Variants in DST observed in about 807,000 individuals in gnomAD.
DST encodes dystonin, also known as bullous pemphigoid antigen.
DST carries 253 observed loss-of-function variants against 875.2 expected under a neutral mutation model. The observed-to-expected ratio is 0.29, with a 90% CI of 0.26 to 0.32. DST has a LOEUF of 0.32. Among genes scored for constraint, DST ranks in the 10% least tolerant of loss-of-function variants. The pLI, the probability that DST is intolerant of heterozygous loss-of-function variation, is 1.00. For missense variants in DST, 8,287 were observed against 9,111.6 expected, an observed-to-expected ratio of 0.91 and a Z score of 3.68; for synonymous variants, 3,124 against 3,197.1, an observed-to-expected ratio of 0.98 and a Z score of 0.77.
intron 16 of DST, 149 bp downstream of exon 16, chr6:56,642,261 G>GCAAA (rs919360003): frequency 4.1e-5 from 36 of 868,156 alleles, no homozygotes; most frequent in Non-Finnish European, 6.4e-5. Context: ...TCTCAAGAGA[G>GCAAA]CAAACACCAA....
chr6:56,468,981 C>T lies in DST; in HGVS notation c.22569+1G>A, dbSNP rs773644108. On this transcript the variant is annotated splice_donor_variant, in intron 98 of 103. Coordinates refer to ENST00000680361, the MANE Select transcript of DST (RefSeq NM_001374736.1). LOFTEE classifies it high-confidence loss of function. ...TGAGAATACATTCCACTGGTTTATA[C>T]CTGATTTCCCAGGAAGAACTGATAA... The T allele has an allele frequency of 1.3e-6, 2 of 1,577,832 alleles. No homozygotes were observed.
rs748130861 is a variant in DST at position 56,693,082 on chromosome 6, G to T, written c.1047+6571C>A. 9.3e-6 allele frequency: 12 copies of T among 1,289,618 alleles called. 1 individual carries two copies. The South Asian group carries it at 1.5e-4, about 16-fold the overall frequency. 79.9% of individuals were successfully genotyped at this position (1,289,618 alleles called of 1,614,324 possible). ...AGGAGAGTATTTTTCAGGGTTCAAA[G>T]GAGTTTTGGCAGGATCTACATATTG... On this transcript the variant is annotated intron_variant, in intron 9 of 103. Coordinates refer to ENST00000680361, the MANE Select transcript of DST (RefSeq NM_001374736.1).
In DST at chr6:56,561,377, T is replaced by C. The variant is rs2097533998; in HGVS notation, c.14241A>G (p.Ala4747=). Reference sequence around the variant, plus strand: ...GTGCAGGTGTCTGCTGCCATTTTGTTGCAGTTTTGTTCATTTTCTGTAACC... The same window carrying C: ...GTGCAGGTGTCTGCTGCCATTTTGTCGCAGTTTTGTTCATTTTCTGTAACC... ...MQWLQKMNKT[A]TKWQQTPAPT... is the part of the protein sequence containing the mutation. Residue 4747 remains alanine (A), a synonymous_variant, in exon 57 of 104, where the codon GCA becomes GCG. Transcript: ENST00000680361. 6 of 1,613,870 alleles carry C rather than the reference T, an allele frequency of 3.7e-6. No individual in the cohort carries two copies. Among genetic ancestry groups the C allele is most frequent in the Non-Finnish European group, 5.1e-6 (6 of 1,179,788 alleles).
In DST at chr6:56,812,824, G is replaced by A. The variant is rs565109679; in HGVS notation, c.625+38573C>T. 1.2e-4 allele frequency among the ~76,000 whole-genome samples: 18 copies of A among 152,268 alleles called. No individual in the cohort carries two copies. In the South Asian group the frequency reaches 3.7e-3, roughly 32 times the overall value. On this transcript the variant is annotated intron_variant, in intron 4 of 103. Coordinates refer to ENST00000680361, the MANE Select transcript of DST (RefSeq NM_001374736.1). ...GTTCAACCATTGTGGAAGTCAGTGT[G>A]GTGATTCCGCAGGGATCTAGAACTA...
chr6:56,583,646 G>A (rs906792250), intron 49 of DST, among the ~76,000 whole-genome samples: 1 of 152,096 alleles, frequency 6.6e-6, no homozygotes. Flanking sequence ...ATTGCTTTTG[G>A]TGCTTTAGAC....
chr6:56,915,040 G>T (rs1026545795), intron 2 of DST, among the ~76,000 whole-genome samples: 18 of 152,182 alleles, frequency 1.2e-4, no homozygotes, highest in Admixed American at 6.5e-5. Flanking sequence ...ACAGTCATGC[G>T]CAATGACAGA....
At chr6:56,494,225 AT>A in intron 82 of DST, 45 bp from the exon 83 acceptor site, 1 of 1,529,656 alleles carries the variant, frequency 6.5e-7, no homozygotes, top group Non-Finnish European at 8.8e-7. Flanking sequence ...AGAAAGTAAA[AT>A]TTAAGAGTTC....
chr6:56,720,885 G>T (rs1327582341), intron 5 of DST, among the ~76,000 whole-genome samples: 4 of 152,306 alleles, frequency 2.6e-5, no homozygotes, highest in African/African-American at 9.6e-5. Flanking sequence ...CCCAGACAGG[G>T]TGGCGGCCGG....
Position 56,562,124 on chromosome 6 carries a change from AAATT to A in DST, c.14068+10_14068+13del. The A allele has an allele frequency of 6.7e-7, 1 of 1,491,310 alleles. No individual in the cohort carries two copies. The highest frequency in any genetic ancestry group is 1.4e-5 in the African/African-American group (1 of 71,752). The allele number at this position is 1,491,310 out of a possible 1,614,324, so 92.4% of individuals were successfully genotyped here. On this transcript the variant is annotated intron_variant, in intron 56 of 103. Transcript: ENST00000680361. ...AATTACATTAATCAGTAACAAATTAAAATTAATACTCACCTTTATTTGCCCAAAA... is the reference window on the plus strand; with the variant it reads ...AATTACATTAATCAGTAACAAATTAAAATACTCACCTTTATTTGCCCAAAA...
chr6:56,656,598 A>G (rs1250879263), intron 10 of DST, among the ~76,000 whole-genome samples: 1 of 152,212 alleles, frequency 6.6e-6, no homozygotes, highest in Admixed American at 6.5e-5. Flanking sequence ...CCAAAGCATA[A>G]GGAAGTTATA....
chr6:56,466,058 CATG>C lies in DST; in HGVS notation c.22687+17_22687+19del, dbSNP rs748897258. On this transcript the variant is annotated intron_variant, in intron 99 of 103. Transcript: ENST00000680361. ...AATTGAAATACTTTCATGATGTTAT[CATG>C]ATAAGCATCTCCTTACCCCTGCAAG... 66 of 1,554,138 alleles carry C rather than the reference CATG, an allele frequency of 4.2e-5. No individual in the cohort carries two copies. The East Asian group carries it at 1.3e-3, about 31-fold the overall frequency.
chr6:56,835,582 TCTAC>T (rs2153066587), intron 4 of DST, among the ~76,000 whole-genome samples: 1 of 152,324 alleles, frequency 6.6e-6, no homozygotes, highest in South Asian at 2.1e-4. Flanking sequence ...AGTTCTTAGA[TCTAC>T]CTAATTCATT....
chr6:56,499,208 A>G (rs1210206634), intron 80 of DST, among the ~76,000 whole-genome samples: 1 of 152,078 alleles, frequency 6.6e-6, no homozygotes, highest in Non-Finnish European at 1.5e-5. Context: ...CTCCCATCCT[A>G]TGTAACACAT....
In DST at chr6:56,604,593, A is replaced by C; in HGVS notation, c.10035T>G (p.Pro3345=). 1 of 1,612,018 alleles carries C rather than the reference A, an allele frequency of 6.2e-7. No individual in the cohort carries two copies. The highest frequency in any genetic ancestry group is 1.3e-5 in the African/African-American group (1 of 74,846). The change falls in exon 40 of 104, where the codon CCT becomes CCG. Residue 3345 remains proline (P), a synonymous_variant. Transcript: ENST00000680361. The part of the protein sequence containing the change: ...PRSQEKEVQI[P]ELSQVFVEDV... ...CCTCCACAAATACCTGAGACAATTC[A>C]GGAATCTGAACCTCCTTTTCTTGGG...
At chr6:56,497,726 A>T (rs1416175302) in intron 81 of DST, 130 bp downstream of exon 81, 4 of 992,744 alleles carry the variant, frequency 4.0e-6, no homozygotes, top group African/African-American at 1.6e-5. Flanking sequence ...TCTGTTCTTT[A>T]TTTCACTTAT....
chr6:56,557,836 T>TA (rs147079416), intron 58 of DST, among the ~76,000 whole-genome samples: 6,560 of 152,228 alleles, frequency 0.043, 195 homozygotes, highest in East Asian at 0.14. Flanking sequence ...TATTAAACTA[T>TA]GACTTACTAG....
At chr6:56,759,706 A>G (rs991528961) in intron 4 of DST, among the ~76,000 whole-genome samples, 2 of 152,180 alleles carry the variant, frequency 1.3e-5, no homozygotes, top group African/African-American at 4.8e-5. Flanking sequence ...GAGCTCAGAC[A>G]ATAAAGATGC....
chr6:56,789,448 A>G (rs1282584383), intron 4 of DST, among the ~76,000 whole-genome samples: 1 of 152,212 alleles, frequency 6.6e-6, no homozygotes, highest in Non-Finnish European at 1.5e-5. Context: ...TAATTGCAGT[A>G]AAGTAACTAT....
intron 62 of DST, among the ~76,000 whole-genome samples, chr6:56,536,394 C>T (rs2096999769): frequency 6.6e-6 from 1 of 152,114 alleles, no homozygotes; most frequent in South Asian, 2.1e-4. Flanking sequence ...GTGAGATTTC[C>T]AGGTTATTTT....
Sources: allele counts gnomAD v4.1 joint callset (sites outside exome capture counted in the v4.1 genomes callset), GRCh38; gene constraint gnomAD v4.1.1; transcripts MANE v1.5; gene names NCBI Gene and HGNC (gene_info 2026-07-23, HGNC 2026-07-21).